CHD2: variants seen among roughly 807,000 people sequenced by gnomAD.
CHD2 encodes ATP-dependent chromatin remodeler CHD2.
A neutral mutation model predicts 243.9 loss-of-function variants in CHD2; 28 were observed. The ratio of observed to expected loss-of-function variants is 0.11; its 90% confidence interval spans 0.09 to 0.16. CHD2 has a LOEUF of 0.16. Ranked by LOEUF, CHD2 falls within the 10% of genes least tolerant of loss-of-function variation. CHD2 has a pLI of 1.00. For missense variants in CHD2, 1,386 were observed against 2,209.8 expected (o/e 0.63, Z 7.47); for synonymous variants, 775 against 779.0 (o/e 0.99, Z 0.09).
chr15:92,967,239 G>T, intron 16 of CHD2, 86 bp from the exon 17 acceptor site: 1 of 938,568 alleles, frequency 1.1e-6, no homozygotes, highest in Admixed American at 2.9e-5. Flanking sequence ...CTTTCCTTAT[G>T]GGAAAGATTC....
chr15:92,996,428 A>C (rs1485856923), intron 28 of CHD2, among the ~76,000 whole-genome samples: 1 of 151,916 alleles, frequency 6.6e-6, no homozygotes, highest in Non-Finnish European at 1.5e-5. Flanking sequence ...CCAAAGTGCT[A>C]GGATTACAGG....
intron 35 of CHD2, among the ~76,000 whole-genome samples, chr15:93,010,226 G>A (rs561426402): frequency 6.6e-6 from 1 of 152,184 alleles, no homozygotes; most frequent in African/African-American, 2.4e-5. Context: ...TATACTTGTT[G>A]GTTGATGGGC....
intron 15 of CHD2, among the ~76,000 whole-genome samples, chr15:92,955,876 A>G (rs1223095902): frequency 1.3e-5 from 2 of 152,354 alleles, no homozygotes; most frequent in Admixed American, 6.5e-5. Context: ...ATGCCATCTC[A>G]GGTATTTCCC....
intron 37 of CHD2, among the ~76,000 whole-genome samples, chr15:93,018,259 T>A (rs185841310): frequency 6.6e-6 from 1 of 152,336 alleles, no homozygotes; most frequent in Admixed American, 6.5e-5. Flanking sequence ...TAGTCAAAAG[T>A]TTTTTACTTT....
intron 2 of CHD2, among the ~76,000 whole-genome samples, chr15:92,917,181 A>G (rs1009685798): frequency 1.3e-5 from 2 of 152,210 alleles, no homozygotes; most frequent in South Asian, 2.1e-4. Flanking sequence ...AACCTTGTTT[A>G]TAGTAATAAC....
chr15:92,990,546 C>G (rs961987202), intron 26 of CHD2, among the ~76,000 whole-genome samples: 7 of 152,136 alleles, frequency 4.6e-5, no homozygotes, highest in African/African-American at 1.7e-4. Context: ...CAGTGTCTGT[C>G]AAGAAGGAGA....
intron 16 of CHD2, among the ~76,000 whole-genome samples, chr15:92,960,987 G>A (rs1392584551): frequency 1.3e-5 from 2 of 152,082 alleles, no homozygotes; most frequent in African/African-American, 2.4e-5. Context: ...GCCGCCTAAA[G>A]TGCTGGGATT....
At chr15:92,957,329 T>C (rs1398342812) in intron 16 of CHD2, among the ~76,000 whole-genome samples, 5 of 152,252 alleles carry the variant, frequency 3.3e-5, no homozygotes, top group Non-Finnish European at 7.3e-5. Flanking sequence ...ACTAGAATTA[T>C]ATTTCTTCTT....
intron 26 of CHD2, among the ~76,000 whole-genome samples, chr15:92,990,064 G>A (rs2054096791): frequency 6.6e-6 from 1 of 152,174 alleles, no homozygotes; most frequent in African/African-American, 2.4e-5. Context: ...GCATCTAATT[G>A]TTTTTGACCA....
At chr15:93,019,901 C>G (rs554031047) in intron 37 of CHD2, 111 bp from the exon 38 acceptor site, 3 of 1,343,028 alleles carry the variant, frequency 2.2e-6, no homozygotes, top group South Asian at 3.0e-5. Context: ...CCACTGCACT[C>G]CAGCCTGGGC....
intron 28 of CHD2, among the ~76,000 whole-genome samples, chr15:92,993,852 G>A (rs982757772): frequency 1.3e-5 from 2 of 152,200 alleles, no homozygotes; most frequent in Non-Finnish European, 2.9e-5. Flanking sequence ...GGAGGCTGAG[G>A]TGGGAGGTTC....
intron 5 of CHD2, among the ~76,000 whole-genome samples, chr15:92,929,364 A>AT (rs2053122929): frequency 6.6e-6 from 1 of 152,158 alleles, no homozygotes; most frequent in Non-Finnish European, 1.5e-5. Context: ...GGTTAACCCA[A>AT]TTAGCCCATT....
In CHD2 at chr15:92,994,632, A is replaced by G. The variant is rs180720593; in HGVS notation, c.3595+1634A>G. Reference sequence around the variant, plus strand: ...TATGTTTTCTATGTAATTGTTTTGAATAAGTAATACATCTACATGGCTTAA... The same window carrying G: ...TATGTTTTCTATGTAATTGTTTTGAGTAAGTAATACATCTACATGGCTTAA... On this transcript the variant is annotated intron_variant, in intron 28 of 38. Coordinates refer to ENST00000394196, the MANE Select transcript of CHD2 (RefSeq NM_001271.4). Among the ~76,000 whole-genome samples the G allele has an allele frequency of 8.3e-4, 126 of 152,358 alleles. 2 individuals carry two copies. The Middle Eastern group carries it at 0.014, about 16-fold the overall frequency.
At chr15:92,915,614 C>G (rs150925428) in intron 2 of CHD2, among the ~76,000 whole-genome samples, 1,982 of 152,244 alleles carry the variant, frequency 0.013, 45 homozygotes, top group African/African-American at 0.045. Context: ...GCTAGGGTCA[C>G]TTTTATGATT....
Position 92,981,389 on chromosome 15 carries a change from C to T in CHD2, c.2998C>T (p.Arg1000Trp), listed in dbSNP as rs758134774. 3 of 1,612,886 alleles carry T rather than the reference C, an allele frequency of 1.9e-6. No homozygotes were observed. Among genetic ancestry groups the T allele is most frequent in the South Asian group, 1.1e-5 (1 of 90,996 alleles). The change falls in exon 24 of 39, where the codon CGG becomes TGG. Residue 1000 changes from arginine (R) to tryptophan (W), a missense_variant. By Grantham distance (101) the Arg-to-Trp change is moderately radical (BLOSUM62 -3). This residue lies in a region of CHD2 where 99 missense variants were observed against 206.4 expected (regional missense o/e 0.48). Transcript: ENST00000394196. Reference sequence around the variant, plus strand: ...GGAAATGGATATAGATGAAATTTTGCGGTTGGCTGAAACGAGAGAGAATGA... The same window carrying T: ...GGAAATGGATATAGATGAAATTTTGTGGTTGGCTGAAACGAGAGAGAATGA... The part of the protein sequence containing the change: ...PQEMDIDEIL[R>W]LAETRENEVS...
chr15:93,012,493 C>A, intron 36 of CHD2, 49 bp downstream of exon 36: 1 of 1,321,542 alleles, frequency 7.6e-7, no homozygotes, highest in Non-Finnish European at 1.1e-6. Context: ...ACCAATTCCA[C>A]AGAAAAATCT....
At chr15:92,946,472 CTTTTA>C (rs546757533) in intron 12 of CHD2, 15 of 286,806 alleles carry the variant, frequency 5.2e-5, no homozygotes, top group African/African-American at 1.5e-4. Context: ...GATTTAGGCA[CTTTTA>C]TTTTATTTTA....
chr15:92,900,543 A>C lies in CHD2; in HGVS notation c.-353A>C, dbSNP rs1046225687. 1 of 398,544 alleles carries C rather than the reference A, an allele frequency of 2.5e-6. No individual in the cohort carries two copies. Among genetic ancestry groups the C allele is most frequent in the Non-Finnish European group, 4.4e-6 (1 of 226,044 alleles). The allele number at this position is 398,544 out of a possible 1,614,324, so 24.7% of individuals were successfully genotyped here. The stretch of plus-strand genomic sequence containing the variant: ...GCTTTCTTTTCGTGCCTTGTTGGAA[A>C]GAAGCAGCCGTACTGAGAGCCCAGG... On this transcript the variant is annotated 5_prime_UTR_variant, in exon 1 of 39. Transcript: ENST00000394196.
rs553216589 is a variant in CHD2, at chr15:92,948,913, G to C, written c.1378-39G>C. 9.4e-6 allele frequency: 15 copies of C among 1,596,630 alleles called. No homozygotes were observed. The South Asian group carries it at 1.3e-4, about 14-fold the overall frequency. ...TGGCTAGCGTTTTAACATAGTAGCA[G>C]TAAGAACATTTTCTCAGACTTGGGC... On this transcript the variant is annotated intron_variant, in intron 12 of 38. Coordinates refer to ENST00000394196, the MANE Select transcript of CHD2 (RefSeq NM_001271.4).
Sources: gnomAD v4.1 joint callset for allele counts (sites outside exome capture counted in the v4.1 genomes callset) on GRCh38, gnomAD v4.1.1 for gene constraint, gnomAD v4.1.1 regional missense constraint, MANE v1.5 for transcripts, NCBI Gene and HGNC (gene_info 2026-07-23, HGNC 2026-07-21) for gene names.